DPH6: variants seen among roughly 807,000 people sequenced by gnomAD.
DPH6 encodes the protein diphthine--ammonia ligase.
In DPH6, 33 loss-of-function variants were observed where a neutral mutation model predicts 38.2. The observed-to-expected ratio is 0.86, with a 90% CI of 0.65 to 1.15. DPH6 has a LOEUF of 1.15. Among genes scored for constraint, DPH6 ranks in the 50% most tolerant of loss-of-function variants. DPH6 has a pLI of 0.00. For synonymous variants in DPH6, 108 were observed against 103.0 expected (o/e 1.05, Z -0.30); for missense variants, 325 against 320.0 (o/e 1.02, Z -0.12).
At chr15:35,471,645 C>CT (rs1373345066) in intron 3 of DPH6, among the ~76,000 whole-genome samples, 2 of 152,106 alleles carry the variant, frequency 1.3e-5, no homozygotes, top group African/African-American at 4.8e-5. Flanking sequence ...TGTTCTTACT[C>CT]TTCTCTCCAT....
intron 3 of DPH6, among the ~76,000 whole-genome samples, chr15:35,496,567 A>AAAAAAAAAATATATATATATATAT: frequency 9.7e-5 from 3 of 31,014 alleles, no homozygotes; most frequent in African/African-American, 4.1e-4. Context: ...AAAAAAAAAA[A>AAAAAAAAAATATATATATATATAT]ATATATATAT....
At chr15:35,226,161 T>C (rs975385379) in intron 3 of DPH6, among the ~76,000 whole-genome samples, 12 of 152,032 alleles carry the variant, frequency 7.9e-5, no homozygotes, top group Non-Finnish European at 1.5e-4. Context: ...AATATTATTA[T>C]AGAAATAACA....
At chr15:35,468,933 T>C (rs1725498228) in intron 3 of DPH6, among the ~76,000 whole-genome samples, 1 of 152,196 alleles carries the variant, frequency 6.6e-6, no homozygotes, top group African/African-American at 2.4e-5. Flanking sequence ...CTGGGCATGA[T>C]GGCAGGTGCC....
chr15:35,518,228 T>A (rs140801210), intron 3 of DPH6, among the ~76,000 whole-genome samples: 2 of 152,126 alleles, frequency 1.3e-5, no homozygotes, highest in African/African-American at 4.8e-5. Context: ...ACATAAACTG[T>A]AAGGACCAAG....
intron 3 of DPH6, among the ~76,000 whole-genome samples, chr15:35,339,656 G>A (rs1164579994): frequency 6.6e-6 from 1 of 152,124 alleles, no homozygotes; most frequent in Non-Finnish European, 1.5e-5. Context: ...AGTCATTCAG[G>A]AGCAGGTTGT....
intron 5 of DPH6, 93 bp downstream of exon 5, chr15:35,450,592 A>G: frequency 9.9e-7 from 1 of 1,009,142 alleles, no homozygotes; most frequent in East Asian, 2.6e-5. Flanking sequence ...TTATATTCTA[A>G]ATCAGTTTTC....
At chr15:35,319,651 C>G (rs1476180444) in intron 3 of DPH6, among the ~76,000 whole-genome samples, 3 of 152,172 alleles carry the variant, frequency 2.0e-5, no homozygotes, top group African/African-American at 7.2e-5. Flanking sequence ...TGAGGCACAA[C>G]AGTTGCTTGA....
intron 6 of DPH6, among the ~76,000 whole-genome samples, chr15:35,386,392 T>G (rs1014457269): frequency 6.6e-6 from 1 of 152,272 alleles, no homozygotes; most frequent in Non-Finnish European, 1.5e-5. Context: ...CAAATGGTAT[T>G]TCTAGTTCTA....
At chr15:35,177,499 T>C in the DPH6 span, among the ~76,000 whole-genome samples, 1 of 148,494 alleles carries the variant, frequency 6.7e-6, no homozygotes, top group African/African-American at 2.5e-5. Flanking sequence ...GGTGGGAGGA[T>C]TGCTCAAACT....
At chr15:35,436,974 T>C (rs6495768) in intron 5 of DPH6, among the ~76,000 whole-genome samples, 31,371 of 150,590 alleles carry the variant, frequency 0.21, 4,166 homozygotes, top group African/African-American at 0.38. Flanking sequence ...TTCCAAGTTT[T>C]GGAGCTCGAA....
At chr15:35,270,351 G>C (rs996356891) in intron 3 of DPH6, among the ~76,000 whole-genome samples, 2 of 152,192 alleles carry the variant, frequency 1.3e-5, no homozygotes, top group African/African-American at 2.4e-5. Flanking sequence ...CGGTTCTGCT[G>C]ATCTTGTCAG....
chr15:35,338,548 A>C (rs1016749358), intron 3 of DPH6, among the ~76,000 whole-genome samples: 1 of 152,084 alleles, frequency 6.6e-6, no homozygotes, highest in Non-Finnish European at 1.5e-5. Flanking sequence ...GCTGGAGAGG[A>C]TGTGGAGAAA....
At chr15:35,188,613 CCTT>C in the DPH6 span, among the ~76,000 whole-genome samples, 4 of 152,188 alleles carry the variant, frequency 2.6e-5, no homozygotes, top group East Asian at 1.9e-4. Context: ...CTTGGTCTCT[CCTT>C]CTGCCTTCTG....
Position 35,250,068 on chromosome 15 carries a change from C to T in DPH6, n.201-29486G>A, listed in dbSNP as rs2051662218. Among the ~76,000 whole-genome samples the T allele has an allele frequency of 3.3e-5, 5 of 151,990 alleles. No individual in the cohort carries two copies. In the South Asian group the frequency reaches 1.0e-3, roughly 32 times the overall value. ...TGGTGGGCACCTGTAGTCTCAGCTA[C>T]TCAGGAGGCTGAGGCAGGAGAATGG... On this transcript the variant is annotated intron_variant and non_coding_transcript_variant, in intron 3 of 3. Transcript: ENST00000560386.
At chr15:35,418,826 T>C (rs760811175) in intron 5 of DPH6, among the ~76,000 whole-genome samples, 5 of 152,062 alleles carry the variant, frequency 3.3e-5, no homozygotes, top group Non-Finnish European at 5.9e-5. Flanking sequence ...TACAGCCCAA[T>C]ACATGAAGAG....
At chr15:35,178,331 G>A in the DPH6 span, among the ~76,000 whole-genome samples, 1 of 152,172 alleles carries the variant, frequency 6.6e-6, no homozygotes, top group African/African-American at 2.4e-5. Context: ...ACATAGCTGG[G>A]AATCTATCAC....
At chr15:35,156,410 TATC>T in the DPH6 span, among the ~76,000 whole-genome samples, 1 of 152,192 alleles carries the variant, frequency 6.6e-6, no homozygotes, top group South Asian at 2.1e-4. Context: ...TAATAATAAA[TATC>T]TTCTTTTGCA....
At chr15:35,435,281 A>C (rs2053683212) in intron 5 of DPH6, among the ~76,000 whole-genome samples, 1 of 151,010 alleles carries the variant, frequency 6.6e-6, no homozygotes, top group African/African-American at 2.5e-5. Flanking sequence ...ATCGTGAAAT[A>C]CAACAAGTAG....
intron 3 of DPH6, among the ~76,000 whole-genome samples, chr15:35,507,221 A>T (rs764158331): frequency 6.6e-6 from 1 of 152,224 alleles, no homozygotes; most frequent in Non-Finnish European, 1.5e-5. Flanking sequence ...GCTAAACTGA[A>T]AAAAGAAAAC....
Sources: allele counts gnomAD v4.1 joint callset (sites outside exome capture counted in the v4.1 genomes callset), GRCh38; gene constraint gnomAD v4.1.1; transcripts MANE v1.5; gene names NCBI Gene and HGNC (gene_info 2026-07-23, HGNC 2026-07-21).